The following SLC2A13 variants were observed in gnomAD, a reference collection of about 807,000 sequenced individuals.
SLC2A13 encodes the protein solute carrier family 2 member 13, also known as proton myo-inositol cotransporter.
Under a neutral mutation model 64.4 loss-of-function variants are expected in SLC2A13, and 32 were observed. The ratio of observed to expected loss-of-function variants is 0.50; its 90% CI spans 0.37 to 0.67. The LOEUF (loss-of-function observed/expected upper bound fraction) is 0.67, where lower values mean the gene tolerates loss of function less well. Ranked by LOEUF, SLC2A13 falls within the 30% of genes least tolerant of loss-of-function variation. The probability of loss-of-function intolerance (pLI) is 0.00; values close to 1 mark genes in which losing one functional copy is unlikely to be tolerated. For missense variants in SLC2A13, 743 were observed against 829.2 expected (o/e 0.90, Z 1.28); for synonymous variants, 338 against 327.1 (o/e 1.03, Z -0.36).
At chr12:39,882,077 T>A (rs934522797) in intron 4 of SLC2A13, among the ~76,000 whole-genome samples, 1 of 152,192 alleles carries the variant, frequency 6.6e-6, no homozygotes, top group Non-Finnish European at 1.5e-5. Flanking sequence ...GTCACTCTCA[T>A]GTAGACTTTA....
At chr12:40,046,507 G>T (rs1327961426) in intron 2 of SLC2A13, among the ~76,000 whole-genome samples, 2 of 152,014 alleles carry the variant, frequency 1.3e-5, no homozygotes, top group Admixed American at 6.6e-5. Context: ...ATAAATTGAT[G>T]ATTTAGAACT....
intron 4 of SLC2A13, among the ~76,000 whole-genome samples, chr12:39,948,777 G>C (rs1026090948): frequency 1.3e-5 from 2 of 151,980 alleles, no homozygotes; most frequent in Non-Finnish European, 2.9e-5. Flanking sequence ...TGGAAAAAAA[G>C]AGTAAAATTT....
chr12:39,985,754 C>T (rs1947019473), intron 3 of SLC2A13, among the ~76,000 whole-genome samples: 1 of 152,116 alleles, frequency 6.6e-6, no homozygotes, highest in Non-Finnish European at 1.5e-5. Flanking sequence ...GCAGCTTAAT[C>T]AACAAAAATC....
intron 3 of SLC2A13, among the ~76,000 whole-genome samples, chr12:39,987,592 G>A (rs1947052760): frequency 6.6e-6 from 1 of 152,094 alleles, no homozygotes; most frequent in Non-Finnish European, 1.5e-5. Context: ...CATGTAGAAG[G>A]TACCTGAGAC....
chr12:39,923,077 T>C (rs1434342545), intron 4 of SLC2A13, among the ~76,000 whole-genome samples: 2 of 152,162 alleles, frequency 1.3e-5, no homozygotes, highest in Admixed American at 1.3e-4. Context: ...ATACTTAGTA[T>C]CTATGTTGTG....
chr12:39,922,863 T>G lies in SLC2A13; in HGVS notation c.1034+28394A>C, dbSNP rs577099549. Reference sequence around the variant, plus strand: ...GCAAAACACAAAGGGTCAAGCCTATTGCATTTTACATTGCCAAACTTTTTT... The same window carrying G: ...GCAAAACACAAAGGGTCAAGCCTATGGCATTTTACATTGCCAAACTTTTTT... On this transcript the variant is annotated intron_variant, in intron 4 of 9. Coordinates refer to ENST00000280871, the MANE Select transcript of SLC2A13 (RefSeq NM_052885.4). 1.3e-4 allele frequency among the ~76,000 whole-genome samples: 20 copies of G among 152,332 alleles called. 1 individual carries two copies. In the South Asian group the frequency reaches 3.9e-3, roughly 30 times the overall value.
chr12:39,757,648 A>G lies in SLC2A13; in HGVS notation c.*2378T>C, dbSNP rs989081447. ...ATATAAATAACAAATAGTCCTTTAA[A>G]GTAGGGGCTCAGGGGAGTAGGGGAG... On this transcript the variant is annotated 3_prime_UTR_variant, in exon 10 of 10. Transcript: ENST00000280871. 4 of 152,136 alleles carry G rather than the reference A, an allele frequency of 2.6e-5. No homozygotes were observed. The highest frequency in any genetic ancestry group is 9.6e-5 in the African/African-American group (4 of 41,506). The allele number at this position is 152,136 out of a possible 1,614,324, so 9.4% of individuals were successfully genotyped here.
chr12:39,924,489 T>C (rs1055865190), intron 4 of SLC2A13, among the ~76,000 whole-genome samples: 3 of 152,082 alleles, frequency 2.0e-5, no homozygotes, highest in Non-Finnish European at 2.9e-5. Context: ...TTCATTTTTT[T>C]TCTTTCAATT....
At chr12:39,967,938 A>T (rs1946552162) in intron 3 of SLC2A13, among the ~76,000 whole-genome samples, 1 of 152,204 alleles carries the variant, frequency 6.6e-6, no homozygotes, top group South Asian at 2.1e-4. Flanking sequence ...TTTGACCTGA[A>T]GTCATGACTT....
At chr12:40,097,548 A>C (rs946958641) in intron 1 of SLC2A13, among the ~76,000 whole-genome samples, 1 of 152,224 alleles carries the variant, frequency 6.6e-6, no homozygotes, top group Non-Finnish European at 1.5e-5. Flanking sequence ...AATTAAAAAT[A>C]GGTCAGGGAC....
At chr12:39,877,626 A>G (rs1205332132) in intron 4 of SLC2A13, among the ~76,000 whole-genome samples, 1 of 152,192 alleles carries the variant, frequency 6.6e-6, no homozygotes, top group Non-Finnish European at 1.5e-5. Context: ...CCACAAACCT[A>G]ATTTTTAAAA....
At chr12:40,001,552 G>C (rs887905268) in intron 3 of SLC2A13, among the ~76,000 whole-genome samples, 3 of 152,174 alleles carry the variant, frequency 2.0e-5, no homozygotes, top group Admixed American at 2.0e-4. Context: ...TAAAGAAAAT[G>C]AAACTTGGTA....
At chr12:39,818,532 A>G (rs1029673141) in intron 7 of SLC2A13, among the ~76,000 whole-genome samples, 2 of 152,150 alleles carry the variant, frequency 1.3e-5, no homozygotes, top group African/African-American at 4.8e-5. Flanking sequence ...CTAATTACGT[A>G]AGTTTATAAG....
chr12:39,908,231 A>T (rs1253336378), intron 4 of SLC2A13: 1 of 152,092 alleles, frequency 6.6e-6, no homozygotes, highest in Non-Finnish European at 1.5e-5. Flanking sequence ...CCTTGAAATG[A>T]GACTATTATC....
chr12:40,101,613 CATT>C (rs1939150686), intron 1 of SLC2A13, among the ~76,000 whole-genome samples: 1 of 152,184 alleles, frequency 6.6e-6, no homozygotes, highest in African/African-American at 2.4e-5. Flanking sequence ...AATCTGATTA[CATT>C]ATTTACTGTT....
chr12:40,052,492 TGA>T (rs1356354419), intron 1 of SLC2A13, among the ~76,000 whole-genome samples: 1 of 151,790 alleles, frequency 6.6e-6, no homozygotes, highest in Non-Finnish European at 1.5e-5. Flanking sequence ...CAGTTGTGAG[TGA>T]GAGTCTCGGG....
At chr12:39,774,286 G>A (rs910552395) in intron 7 of SLC2A13, among the ~76,000 whole-genome samples, 3 of 152,112 alleles carry the variant, frequency 2.0e-5, no homozygotes, top group East Asian at 3.9e-4. Context: ...TTTACTCTAA[G>A]CAACCCAAGT....
At chr12:39,925,113 C>T in intron 4 of SLC2A13, among the ~76,000 whole-genome samples, 1 of 149,138 alleles carries the variant, frequency 6.7e-6, no homozygotes, top group East Asian at 2.0e-4. Flanking sequence ...ATGGATCGCT[C>T]ACTCGATCTC....
At chr12:39,938,482 T>C (rs560319247) in intron 4 of SLC2A13, among the ~76,000 whole-genome samples, 2 of 139,020 alleles carry the variant, frequency 1.4e-5, no homozygotes, top group East Asian at 4.1e-4. Context: ...ACAGCAATGA[T>C]ACAGTAAATA....
Sources: allele counts gnomAD v4.1 joint callset (sites outside exome capture counted in the v4.1 genomes callset), GRCh38; gene constraint gnomAD v4.1.1; transcripts MANE v1.5; gene names NCBI Gene and HGNC (gene_info 2026-07-23, HGNC 2026-07-21).